SVOPL: variants seen among roughly 807,000 people sequenced by gnomAD.
SVOPL encodes the protein SVOP like.
Under a neutral mutation model 61.0 loss-of-function variants are expected in SVOPL, and 60 were observed. The ratio of observed to expected loss-of-function variants is 0.98; its 90% CI spans 0.80 to 1.22. The LOEUF is 1.22. Ranked by LOEUF, SVOPL falls within the 50% of genes most tolerant of loss-of-function variation. The probability of loss-of-function intolerance (pLI) is 0.00; values close to 1 mark genes in which losing one functional copy is unlikely to be tolerated. For missense variants in SVOPL, 662 were observed against 643.9 expected (o/e 1.03, Z -0.30); for synonymous variants, 279 against 250.0 (o/e 1.12, Z -1.09).
chr7:138,603,955 C>CTTTTTTTTTTTTTT (rs560678707), intron 14 of SVOPL, among the ~76,000 whole-genome samples: 4 of 109,252 alleles, frequency 3.7e-5, no homozygotes, highest in Non-Finnish European at 7.5e-5. Context: ...TTAATTTATT[C>CTTTTTTTTTTTTTT]TTTTTTTTTT....
At chr7:138,595,668 G>T (rs149977099) in intron 15 of SVOPL, among the ~76,000 whole-genome samples, 1 of 152,064 alleles carries the variant, frequency 6.6e-6, no homozygotes, top group Non-Finnish European at 1.5e-5. Context: ...CAAGTTGCTC[G>T]ACTTGTGTCT....
At chr7:138,683,709 T>C (rs933753138) in intron 1 of SVOPL, among the ~76,000 whole-genome samples, 2 of 152,008 alleles carry the variant, frequency 1.3e-5, no homozygotes, top group Non-Finnish European at 2.9e-5. Flanking sequence ...GTCTGATCAC[T>C]AGTTAAGTAG....
intron 3 of SVOPL, among the ~76,000 whole-genome samples, chr7:138,676,967 T>G (rs1461791860): frequency 8.8e-5 from 12 of 136,682 alleles, no homozygotes; most frequent in African/African-American, 3.0e-4. Flanking sequence ...GCAGTGGCAC[T>G]ATCGCAGCTC....
chr7:138,616,793 ATTTG>A lies in SVOPL; in HGVS notation c.1353+4249_1353+4252del, dbSNP rs376260709. ...TCAGTGGGTGAATTATTATTAATTAATTTGTTTATTTATGACAGAGTCTTACTCT... is the reference window on the plus strand; with the variant it reads ...TCAGTGGGTGAATTATTATTAATTAATTTATTTATGACAGAGTCTTACTCT... On this transcript the variant is annotated intron_variant, in intron 14 of 15. Transcript: ENST00000674285. Among the ~76,000 whole-genome samples, 1,008 of 152,182 alleles carry A rather than the reference ATTTG, an allele frequency of 6.6e-3. 13 individuals are homozygous for A. The highest frequency in any genetic ancestry group is 0.023 in the African/African-American group (953 of 41,536).
At chr7:138,656,879 C>A (rs1047702316) in intron 6 of SVOPL, among the ~76,000 whole-genome samples, 1 of 151,976 alleles carries the variant, frequency 6.6e-6, no homozygotes, top group Non-Finnish European at 1.5e-5. Flanking sequence ...CCCGTTTCTA[C>A]TAAAAATACA....
chr7:138,622,084 A>G (rs1332069144), intron 13 of SVOPL, among the ~76,000 whole-genome samples: 38 of 138,830 alleles, frequency 2.7e-4, no homozygotes, highest in African/African-American at 7.7e-4. Context: ...CTATCTATCT[A>G]TCTATGTATC....
At chr7:138,673,397 C>T (rs939718494) in intron 3 of SVOPL, among the ~76,000 whole-genome samples, 5 of 152,180 alleles carry the variant, frequency 3.3e-5, no homozygotes, top group African/African-American at 1.2e-4. Flanking sequence ...TGACTAATGT[C>T]TGTAATCTGA....
intron 14 of SVOPL, among the ~76,000 whole-genome samples, chr7:138,611,916 C>T (rs1246319329): frequency 7.5e-3 from 195 of 26,158 alleles, no homozygotes; most frequent in East Asian, 0.013. Context: ...TCATTGAGAA[C>T]GGGCCAGGAT....
intron 9 of SVOPL, among the ~76,000 whole-genome samples, chr7:138,632,427 T>C (rs576390298): frequency 6.6e-6 from 1 of 151,240 alleles, no homozygotes; most frequent in Non-Finnish European, 1.5e-5. Context: ...AGAGCAAGAC[T>C]CCATCTCAAA....
intron 14 of SVOPL, among the ~76,000 whole-genome samples, chr7:138,598,861 G>C (rs1798388423): frequency 6.6e-6 from 1 of 152,052 alleles, no homozygotes; most frequent in Non-Finnish European, 1.5e-5. Context: ...ATCTACTTCA[G>C]TTCTTAGGCA....
chr7:138,635,615 GAA>G (rs1563107277), intron 9 of SVOPL, among the ~76,000 whole-genome samples: 2 of 152,106 alleles, frequency 1.3e-5, no homozygotes, highest in South Asian at 2.1e-4. Flanking sequence ...TGTGGAGAGA[GAA>G]AGGTAAGGAG....
At chr7:138,649,188 GAA>G (rs58569190) in intron 7 of SVOPL, 51 bp from the exon 8 acceptor site, 2,909 of 1,265,356 alleles carry the variant, frequency 2.3e-3, no homozygotes, top group South Asian at 4.7e-3. Context: ...TTATGACAAT[GAA>G]AAAAAAAAAG....
rs1489486375 is a variant in SVOPL at position 138,628,366 on chromosome 7, G to T, written c.864-3C>A. 1 of 1,613,622 alleles carries T rather than the reference G, an allele frequency of 6.2e-7. No homozygotes were observed. Among genetic ancestry groups the T allele is most frequent in the African/African-American group, 1.3e-5 (1 of 74,912 alleles). On this transcript the variant is annotated splice_region_variant and splice_polypyrimidine_tract_variant and intron_variant, in intron 10 of 15. Coordinates refer to ENST00000674285, the MANE Select transcript of SVOPL (RefSeq NM_001139456.2). Reference sequence around the variant, plus strand: ...AGTAGGCAAAAGAGATTCCAAGCCTGGAAGAGAGAAAACAAAGTCACTAGC... The same window carrying T: ...AGTAGGCAAAAGAGATTCCAAGCCTTGAAGAGAGAAAACAAAGTCACTAGC...
At chr7:138,661,098 A>T in intron 5 of SVOPL, 1 of 985,290 alleles carries the variant, frequency 1.0e-6, no homozygotes, top group Non-Finnish European at 1.2e-6. Context: ...TATTTATTTC[A>T]TGTACTTTAA....
intron 3 of SVOPL, among the ~76,000 whole-genome samples, chr7:138,675,729 C>T (rs554187314): frequency 2.0e-5 from 3 of 152,190 alleles, no homozygotes; most frequent in South Asian, 4.2e-4. Context: ...CACTTACCTC[C>T]CTCCTATGTA....
At chr7:138,595,530 T>A (rs1339708515) in intron 15 of SVOPL, among the ~76,000 whole-genome samples, 1 of 152,200 alleles carries the variant, frequency 6.6e-6, no homozygotes, top group East Asian at 1.9e-4. Flanking sequence ...AGATTCTAGA[T>A]GGTGAGTCAG....
At chr7:138,637,465 T>TAGATATATAG (rs1554463023) in intron 9 of SVOPL, among the ~76,000 whole-genome samples, 1 of 13,606 alleles carries the variant, frequency 7.3e-5, no homozygotes, top group African/African-American at 2.6e-4. Context: ...GATATATATA[T>TAGATATATAG]ATAGATATAG....
Position 138,700,602 on chromosome 7 carries a change from G to A in SVOPL, c.-35+576C>T, listed in dbSNP as rs1044018335. On this transcript the variant is annotated intron_variant, in intron 1 of 15. Transcript: ENST00000674285. ...GATCCACCCACCTCAGCCTCCCAAAGTGCTGGGATTACAGGCGTGAGCCAC... is the reference window on the plus strand; with the variant it reads ...GATCCACCCACCTCAGCCTCCCAAAATGCTGGGATTACAGGCGTGAGCCAC... Among the ~76,000 whole-genome samples the A allele has an allele frequency of 2.0e-5, 3 of 152,124 alleles. No homozygotes were observed. The South Asian group carries it at 6.2e-4, about 32-fold the overall frequency.
chr7:138,616,174 C>A (rs1799290768), intron 14 of SVOPL, among the ~76,000 whole-genome samples: 1 of 152,078 alleles, frequency 6.6e-6, no homozygotes, highest in African/African-American at 2.4e-5. Context: ...TTTTATAAGC[C>A]ACCCAGAGTC....
Sources: allele counts gnomAD v4.1 joint callset (sites outside exome capture counted in the v4.1 genomes callset), GRCh38; gene constraint gnomAD v4.1.1; transcripts MANE v1.5; gene names NCBI Gene and HGNC (gene_info 2026-07-23, HGNC 2026-07-21).